The following CADPS2 variants were observed in gnomAD, a reference collection of about 807,000 sequenced individuals.
CADPS2 encodes the protein calcium dependent secretion activator 2.
In CADPS2, 93 loss-of-function variants were observed where a neutral mutation model predicts 172.5. The ratio of observed to expected loss-of-function variants is 0.54; its 90% CI spans 0.46 to 0.64. The LOEUF (loss-of-function observed/expected upper bound fraction) is 0.64. CADPS2 is among the 30% of genes least tolerant of loss of function. CADPS2 has a pLI of 0.00. For synonymous variants in CADPS2, 546 were observed against 555.2 expected (o/e 0.98, Z 0.23); for missense variants, 1,420 against 1,565.9 (o/e 0.91, Z 1.57).
intron 6 of CADPS2, among the ~76,000 whole-genome samples, chr7:122,608,291 T>A (rs867316373): frequency 7.9e-5 from 12 of 151,760 alleles, no homozygotes; most frequent in Non-Finnish European, 1.3e-4. Context: ...TCTATAAGAG[T>A]ATCTGACTAA....
chr7:122,360,009 A>G (rs1735231576), intron 27 of CADPS2, among the ~76,000 whole-genome samples: 1 of 152,206 alleles, frequency 6.6e-6, no homozygotes, highest in South Asian at 2.1e-4. Flanking sequence ...TTCTTCAAAT[A>G]CAAAGAGAGA....
chr7:122,507,693 A>G (rs955757534), intron 9 of CADPS2, among the ~76,000 whole-genome samples: 1 of 152,210 alleles, frequency 6.6e-6, no homozygotes, highest in South Asian at 2.1e-4. Context: ...TTATCCCACA[A>G]TGTGAAGAAC....
intron 1 of CADPS2, among the ~76,000 whole-genome samples, chr7:122,800,051 T>C (rs992437734): frequency 2.0e-5 from 3 of 152,224 alleles, no homozygotes; most frequent in African/African-American, 2.4e-5. Context: ...ACACTACATA[T>C]GGCATAAATT....
intron 1 of CADPS2, among the ~76,000 whole-genome samples, chr7:122,742,390 C>CA (rs955291832): frequency 3.9e-4 from 55 of 140,434 alleles, no homozygotes; most frequent in East Asian, 1.6e-3. Flanking sequence ...GACTCCATCT[C>CA]AAAAAAAAAA....
chr7:122,635,215 G>A (rs1258664672), intron 3 of CADPS2, among the ~76,000 whole-genome samples: 1 of 152,024 alleles, frequency 6.6e-6, no homozygotes, highest in Non-Finnish European at 1.5e-5. Flanking sequence ...TTTCTGCCTG[G>A]ATGATCTAAT....
intron 8 of CADPS2, among the ~76,000 whole-genome samples, chr7:122,549,954 T>G (rs1322310102): frequency 2.0e-5 from 3 of 152,176 alleles, no homozygotes; most frequent in Non-Finnish European, 4.4e-5. Flanking sequence ...TTTCCTCCCC[T>G]AAATTAGTTG....
At chr7:122,338,576 G>T (rs1049774946) in intron 28 of CADPS2, among the ~76,000 whole-genome samples, 1 of 152,046 alleles carries the variant, frequency 6.6e-6, no homozygotes, top group African/African-American at 2.4e-5. Flanking sequence ...GGACATACTG[G>T]TACAACAGTT....
At chr7:122,662,425 G>C (rs945332472) in intron 3 of CADPS2, among the ~76,000 whole-genome samples, 1 of 148,094 alleles carries the variant, frequency 6.8e-6, no homozygotes, top group Non-Finnish European at 1.5e-5. Flanking sequence ...CACCAGGCTG[G>C]AGTGCAGTGG....
At chr7:122,505,238 T>C (rs1185390032) in intron 9 of CADPS2, among the ~76,000 whole-genome samples, 1 of 150,882 alleles carries the variant, frequency 6.6e-6, no homozygotes, top group African/African-American at 2.5e-5. Flanking sequence ...TCAAAAGACA[T>C]GTGAGGTGAA....
At chr7:122,451,500 A>C (rs1488716749) in intron 14 of CADPS2, 25 bp from the exon 15 acceptor site, 1 of 1,294,168 alleles carries the variant, frequency 7.7e-7, no homozygotes, top group Non-Finnish European at 1.1e-6. Flanking sequence ...AGAATCAATA[A>C]TTCATATTGA....
intron 3 of CADPS2, among the ~76,000 whole-genome samples, chr7:122,642,293 AAAG>A (rs2077744140): frequency 1.3e-5 from 2 of 151,510 alleles, no homozygotes; most frequent in Non-Finnish European, 2.9e-5. Context: ...AAAAAAAAAA[AAAG>A]GAGAAATTAA....
intron 6 of CADPS2, among the ~76,000 whole-genome samples, chr7:122,606,127 T>C (rs78982374): frequency 0.011 from 1,732 of 152,318 alleles, 31 homozygotes; most frequent in African/African-American, 0.039. Flanking sequence ...CATCAATCAA[T>C]CACTTCCTCA....
chr7:122,716,553 T>G (rs950436088), intron 2 of CADPS2, among the ~76,000 whole-genome samples: 1 of 151,998 alleles, frequency 6.6e-6, no homozygotes, highest in Non-Finnish European at 1.5e-5. Flanking sequence ...CGGGGAGGGA[T>G]AGCATTAGGA....
chr7:122,385,410 T>C (rs891767803), intron 24 of CADPS2, among the ~76,000 whole-genome samples: 2 of 151,956 alleles, frequency 1.3e-5, no homozygotes, highest in African/African-American at 2.4e-5. Context: ...AATTCACAAG[T>C]AGTAGGCCTT....
At chr7:122,790,431 TTC>T (rs1187634659) in intron 1 of CADPS2, among the ~76,000 whole-genome samples, 1 of 151,600 alleles carries the variant, frequency 6.6e-6, no homozygotes, top group Admixed American at 6.6e-5. Context: ...AGAATTAAGT[TTC>T]TGAGTGAATT....
chr7:122,690,907 G>A (rs941781932), intron 2 of CADPS2, among the ~76,000 whole-genome samples: 7 of 152,122 alleles, frequency 4.6e-5, no homozygotes, highest in Non-Finnish European at 7.4e-5. Flanking sequence ...CAAGTATCTC[G>A]ACTAGACCTG....
intron 1 of CADPS2, among the ~76,000 whole-genome samples, chr7:122,816,545 A>T (rs1482266394): frequency 2.6e-5 from 4 of 152,218 alleles, no homozygotes; most frequent in Non-Finnish European, 5.9e-5. Context: ...TCTTTTGGAC[A>T]TACAGCAGTG....
intron 14 of CADPS2, among the ~76,000 whole-genome samples, chr7:122,468,214 A>C (rs961702436): frequency 1.3e-5 from 2 of 151,682 alleles, no homozygotes; most frequent in African/African-American, 4.8e-5. Context: ...GAGGTAGTTC[A>C]GGTAATGAGC....
chr7:122,522,137 CAG>C (rs1185841103), intron 8 of CADPS2, among the ~76,000 whole-genome samples: 1 of 151,918 alleles, frequency 6.6e-6, no homozygotes, highest in Non-Finnish European at 1.5e-5. Context: ...ATTTTTGAGA[CAG>C]AGTCTCACTC....
Sources: gnomAD v4.1 joint callset for allele counts (sites outside exome capture counted in the v4.1 genomes callset) on GRCh38, gnomAD v4.1.1 for gene constraint, MANE v1.5 for transcripts, NCBI Gene and HGNC (gene_info 2026-07-23, HGNC 2026-07-21) for gene names.